Variants in SHISA4 observed in about 807,000 individuals in gnomAD.
The protein encoded by SHISA4 is protein shisa-4.
SHISA4 carries 16 observed loss-of-function variants against 24.2 expected under a neutral mutation model. The observed-to-expected ratio is 0.66, with a 90% CI of 0.45 to 1.00. SHISA4 has a LOEUF of 1.00. SHISA4 is among the 50% of genes least tolerant of loss of function. The pLI is 0.00. For missense variants in SHISA4, 238 were observed against 258.9 expected, an observed-to-expected ratio of 0.92 and a Z score of 0.55; for synonymous variants, 106 against 105.4, an observed-to-expected ratio of 1.01 and a Z score of -0.04.
At chr1:201,888,733 A>T (rs1380832202), upstream of SHISA4, 1 of 352,346 alleles carries the variant, frequency 2.8e-6, no homozygotes, top group East Asian at 4.2e-5. Flanking sequence ...GGACAGGGGG[A>T]GCAGGGCAGT....
At position 201,892,464 on chromosome 1, in the gene SHISA4, C is replaced by T. The variant is rs760003272; in HGVS notation, c.*618C>T. 9.9e-5 allele frequency among the ~76,000 whole-genome samples: 15 copies of T among 152,054 alleles called. No individual in the cohort carries two copies. Among genetic ancestry groups the T allele is most frequent in the Non-Finnish European group, 1.9e-4 (13 of 68,008 alleles). On this transcript the variant is annotated 3_prime_UTR_variant, in exon 5 of 5. Coordinates refer to ENST00000362011, the MANE Select transcript of SHISA4 (RefSeq NM_198149.3). ...ACCCCCATCCACAAGCAGACCAAGG[C>T]GGACTGTTCCTGGCTTCCTAAAGGC...
rs982698427 is a variant in SHISA4, at chr1:201,891,499, T to A, written c.478T>A (p.Tyr160Asn). 6.2e-6 allele frequency: 10 copies of A among 1,613,748 alleles called. No individual in the cohort carries two copies. Among genetic ancestry groups the A allele is most frequent in the South Asian group, 1.1e-5 (1 of 91,062 alleles). ...GPAPPQPGFI[Y>N]PPSGPAPQYP... Reference sequence around the variant, plus strand: ...TGCACCCCCACAGCCTGGCTTCATATACCCACCTAGTGGTCCTGCTCCCCA... The same window carrying A: ...TGCACCCCCACAGCCTGGCTTCATAAACCCACCTAGTGGTCCTGCTCCCCA... Residue 160 changes from tyrosine (Y) to asparagine (N), a missense_variant, in exon 4 of 5, where the codon TAC becomes AAC. Coordinates refer to ENST00000362011, the MANE Select transcript of SHISA4 (RefSeq NM_198149.3).
Position 201,891,984 on chromosome 1 carries a change from T to G in SHISA4, c.*138T>G. ...CCAGACCAAGCCAAGCCCTGGGCCCTACTGGGGACAGAGCCCCAGGGAAGT... is the reference window on the plus strand; with the variant it reads ...CCAGACCAAGCCAAGCCCTGGGCCCGACTGGGGACAGAGCCCCAGGGAAGT... On this transcript the variant is annotated 3_prime_UTR_variant, in exon 5 of 5. Transcript: ENST00000362011. The G allele has an allele frequency of 6.3e-6, 6 of 948,316 alleles. No homozygotes were observed. The highest frequency in any genetic ancestry group is 3.2e-5 in the African/African-American group (2 of 61,678). 58.7% of individuals were successfully genotyped at this position (948,316 alleles called of 1,614,324 possible). A position where few individuals can be genotyped will look rare whatever the true frequency, so the allele number is the denominator to read the frequency against.
In SHISA4 at chr1:201,891,506, CT is replaced by C. The variant is rs767935783; in HGVS notation, c.486del (p.Ser163ValfsTer47). On this transcript the variant is annotated frameshift_variant, in exon 4 of 5. Transcript: ENST00000362011. LOFTEE classifies it high-confidence loss of function. Reference protein sequence around the residue: ...APPQPGFIYPPSGPAPQYPLY... With the variant: ...APPQPGFIYPXSGPAPQYPLY... ...CCACAGCCTGGCTTCATATACCCAC[CT>C]AGTGGTCCTGCTCCCCAATATCCAC... 1 of 1,613,822 alleles carries C rather than the reference CT, an allele frequency of 6.2e-7. No individual in the cohort carries two copies. Among genetic ancestry groups the C allele is most frequent in the Non-Finnish European group, 8.5e-7 (1 of 1,179,876 alleles).
chr1:201,890,369 C>A, intron 2 of SHISA4, 85 bp from the exon 3 acceptor site: 9 of 1,543,674 alleles, frequency 5.8e-6, no homozygotes, highest in Non-Finnish European at 7.9e-6. Context: ...CATGGCCCCC[C>A]TGCTGGCCAG....
chr1:201,889,755 C>A, intron 2 of SHISA4, 139 bp downstream of exon 2: 1 of 1,045,464 alleles, frequency 9.6e-7, no homozygotes, highest in Non-Finnish European at 1.4e-6. Flanking sequence ...GGACTCAAGC[C>A]TGGCGGCAGA....
At chr1:201,890,745 C>T (rs1034593020) in intron 3 of SHISA4, among the ~76,000 whole-genome samples, 158 bp downstream of exon 3, 2 of 152,172 alleles carry the variant, frequency 1.3e-5, no homozygotes, top group African/African-American at 2.4e-5. Context: ...CTTGTAAACC[C>T]GTGAATATTA....
At position 201,892,200 on chromosome 1, in the gene SHISA4, G is replaced by T; in HGVS notation, c.*354G>T. 4.0e-6 allele frequency: 1 copy of T among 250,868 alleles called. No individual in the cohort carries two copies. The highest frequency in any genetic ancestry group is 7.6e-6 in the Non-Finnish European group (1 of 131,698). 15.5% of individuals were successfully genotyped at this position (250,868 alleles called of 1,614,324 possible). A position where few individuals can be genotyped will look rare whatever the true frequency, so the allele number is the denominator to read the frequency against. On this transcript the variant is annotated 3_prime_UTR_variant, in exon 5 of 5. Transcript: ENST00000362011. ...TGTTTGTCCCCTCTGGGCTGGGGTG[G>T]GGGGAGGGAGGAGGTTCCGTCAGCA...
intron 2 of SHISA4, 108 bp from the exon 3 acceptor site, chr1:201,890,346 A>G: frequency 1.4e-6 from 2 of 1,462,464 alleles, no homozygotes; most frequent in South Asian, 2.6e-5. Context: ...AGGAACCCCA[A>G]ATCTCAGCAT....
chr1:201,891,328 G>A, intron 3 of SHISA4, 73 bp from the exon 4 acceptor site: 4 of 1,596,696 alleles, frequency 2.5e-6, no homozygotes, highest in Non-Finnish European at 3.4e-6. Flanking sequence ...GCTTACCTTG[G>A]TTTCCTGGGC....
At chr1:201,891,219 G>T (rs932728949) in intron 3 of SHISA4, among the ~76,000 whole-genome samples, 182 bp from the exon 4 acceptor site, 1 of 152,164 alleles carries the variant, frequency 6.6e-6, no homozygotes, top group African/African-American at 2.4e-5. Context: ...AGATTGACCA[G>T]CTGGGGCCAC....
chr1:201,891,544 G>C lies in SHISA4; in HGVS notation c.523G>C (p.Gly175Arg), dbSNP rs746771563. 2 of 1,612,764 alleles carry C rather than the reference G, an allele frequency of 1.2e-6. No individual in the cohort carries two copies. Among genetic ancestry groups the C allele is most frequent in the African/African-American group, 2.7e-5 (2 of 74,838 alleles). ...TCCCCAATATCCACTCTACCCAGCTGGGCCCCCAGTCTACAACCCTGCAGG... is the reference window on the plus strand; with the variant it reads ...TCCCCAATATCCACTCTACCCAGCTCGGCCCCCAGTCTACAACCCTGCAGG... ...PAPQYPLYPA[G>R]PPVYNPAAPP... is the part of the protein sequence containing the mutation. The change falls in exon 4 of 5, where the codon GGG (glycine) becomes CGG (arginine). Residue 175 changes from glycine (G) to arginine (R), a missense_variant. Coordinates refer to ENST00000362011, the MANE Select transcript of SHISA4 (RefSeq NM_198149.3).
chr1:201,891,218 A>G (rs1238151128), intron 3 of SHISA4, among the ~76,000 whole-genome samples, 183 bp from the exon 4 acceptor site: 1 of 152,172 alleles, frequency 6.6e-6, no homozygotes, highest in East Asian at 1.9e-4. Context: ...CAGATTGACC[A>G]GCTGGGGCCA....
Position 201,889,065 on chromosome 1 carries a change from T to C in SHISA4, c.71T>C (p.Leu24Pro). ...GCTCTGTTGGTGCTGGGGGCTCCCCTGGGTAAGGGGATGGGGAGAGATGCG... is the reference window on the plus strand; with the variant it reads ...GCTCTGTTGGTGCTGGGGGCTCCCCCGGGTAAGGGGATGGGGAGAGATGCG... ...AIALLVLGAPLVLAGEDCLWY... is the reference protein window; with the variant it reads ...AIALLVLGAPPVLAGEDCLWY... The change falls in exon 1 of 5, where the codon CTG (leucine) becomes CCG (proline). Residue 24 changes from leucine (L) to proline (P), a missense_variant and splice_region_variant. Coordinates refer to ENST00000362011, the MANE Select transcript of SHISA4 (RefSeq NM_198149.3). The C allele has an allele frequency of 7.2e-7, 1 of 1,390,044 alleles. No homozygotes were observed. Among genetic ancestry groups the C allele is most frequent in the South Asian group, 1.7e-5 (1 of 58,086 alleles). The allele number at this position is 1,390,044 out of a possible 1,614,324, so 86.1% of individuals were successfully genotyped here. A position where few individuals can be genotyped will look rare whatever the true frequency, so the allele number is the denominator to read the frequency against.
At chr1:201,890,965 C>T (rs1681082859) in intron 3 of SHISA4, among the ~76,000 whole-genome samples, 1 of 152,106 alleles carries the variant, frequency 6.6e-6, no homozygotes, top group African/African-American at 2.4e-5. Context: ...AAATATGTGC[C>T]TGAGTGTTGG....
rs1681111579 is a variant in SHISA4 at position 201,892,076 on chromosome 1, C to T, written c.*230C>T. 5 of 561,432 alleles carry T rather than the reference C, an allele frequency of 8.9e-6. No homozygotes were observed. Among genetic ancestry groups the T allele is most frequent in the Non-Finnish European group, 1.6e-5 (5 of 313,898 alleles). 34.8% of individuals were successfully genotyped at this position (561,432 alleles called of 1,614,324 possible). On this transcript the variant is annotated 3_prime_UTR_variant, in exon 5 of 5. Coordinates refer to ENST00000362011, the MANE Select transcript of SHISA4 (RefSeq NM_198149.3). ...GGCTTGGAATTATGGGCTATTTTTA[C>T]TGGGGGCAAGGGAGGGAGATGACAG...
chr1:201,889,207 G>A (rs1180949624), intron 1 of SHISA4, 140 bp downstream of exon 1: 12 of 969,362 alleles, frequency 1.2e-5, no homozygotes, highest in East Asian at 5.3e-5. Flanking sequence ...GGGTCCTCAA[G>A]AAGCGGGAAG....
At chr1:201,889,267 G>A (rs2102901541) in intron 1 of SHISA4, 178 bp from the exon 2 acceptor site, 2 of 961,346 alleles carry the variant, frequency 2.1e-6, no homozygotes, top group Non-Finnish European at 3.0e-6. Context: ...GGGGTGCAGG[G>A]TCAGCTTCAG....
intron 4 of SHISA4, 115 bp from the exon 5 acceptor site, chr1:201,891,685 C>G (rs1439971796): frequency 1.2e-5 from 18 of 1,544,594 alleles, no homozygotes; most frequent in Non-Finnish European, 1.6e-5. Context: ...CACCTCTAGC[C>G]CGAAACCTCC....
Sources: gnomAD v4.1 joint callset for allele counts (sites outside exome capture counted in the v4.1 genomes callset) on GRCh38, gnomAD v4.1.1 for gene constraint, MANE v1.5 for transcripts, NCBI Gene and HGNC (gene_info 2026-07-23, HGNC 2026-07-21) for gene names.